CSNK1G2: variants seen among roughly 807,000 people sequenced by gnomAD.
The protein encoded by CSNK1G2 is casein kinase I isoform gamma-2.
A neutral mutation model predicts 48.0 loss-of-function variants in CSNK1G2; 11 were observed. The ratio of observed to expected loss-of-function variants is 0.23; its 90% CI spans 0.14 to 0.38. CSNK1G2 has a LOEUF of 0.38. CSNK1G2 is among the 10% of genes least tolerant of loss of function. CSNK1G2 has a pLI of 1.00. For missense variants in CSNK1G2, 446 were observed against 595.5 expected (o/e 0.75, Z 2.61); for synonymous variants, 337 against 254.1 (o/e 1.33, Z -3.10).
At position 1,979,815 on chromosome 19, in the gene CSNK1G2, C is replaced by G; in HGVS notation, c.1066C>G (p.Gln356Glu). ...CCAGCCTCAGCTCCGGGACAAAACC[C>G]AGCCGCACAGCAAAAACCAGGTGAG... is the stretch of plus-strand genomic sequence containing the variant. ...PSQPQLRDKT[Q>E]PHSKNQALNS... is the part of the protein sequence containing the mutation. The change falls in exon 10 of 12, where the codon CAG (glutamine) becomes GAG (glutamate). Residue 356 changes from glutamine to glutamate, a missense_variant. Around this residue, in one of 2 missense-constraint regions of CSNK1G2, gnomAD observed 188 missense variants for 179.6 expected, o/e 1.05. Coordinates refer to ENST00000255641, the MANE Select transcript of CSNK1G2 (RefSeq NM_001319.7). The G allele has an allele frequency of 1.2e-6, 2 of 1,606,902 alleles. No homozygotes were observed. The highest frequency in any genetic ancestry group is 1.7e-6 in the Non-Finnish European group (2 of 1,177,716).
rs1568208957 is a variant in CSNK1G2, at chr19:1,980,336, GGGCCGCGCCTGGCTCAGGC to G, written c.*138_*156del. On this transcript the variant is annotated 3_prime_UTR_variant, in exon 12 of 12. Coordinates refer to ENST00000255641, the MANE Select transcript of CSNK1G2 (RefSeq NM_001319.7). ...CTGGAAGCCAGAACGCAGACTGCAGGGGCCGCGCCTGGCTCAGGCGGCCCCACCCCCGGGACGTGGGGTC... is the reference window on the plus strand; with the variant it reads ...CTGGAAGCCAGAACGCAGACTGCAGGGGCCCCACCCCCGGGACGTGGGGTC... The G allele has an allele frequency of 8.7e-7, 1 of 1,143,616 alleles. No homozygotes were observed. The highest frequency in any genetic ancestry group is 2.4e-5 in the East Asian group (1 of 41,522). 70.8% of individuals were successfully genotyped at this position (1,143,616 alleles called of 1,614,324 possible).
chr19:1,944,607 G>T (rs1185739944), intron 1 of CSNK1G2, among the ~76,000 whole-genome samples: 2 of 152,170 alleles, frequency 1.3e-5, no homozygotes, highest in Middle Eastern at 3.4e-3. Flanking sequence ...TGCTGGCTCT[G>T]TCCAGAGGGC....
chr19:1,960,943 T>C (rs1486419893), intron 1 of CSNK1G2, among the ~76,000 whole-genome samples: 1 of 152,212 alleles, frequency 6.6e-6, no homozygotes, highest in Non-Finnish European at 1.5e-5. Context: ...CTGTGGATGC[T>C]GAGAGGGTTT....
intron 2 of CSNK1G2, among the ~76,000 whole-genome samples, chr19:1,974,277 CCTT>C (rs757292733): frequency 2.6e-5 from 4 of 152,110 alleles, no homozygotes; most frequent in African/African-American, 4.8e-5. Flanking sequence ...CTGGCAAAGA[CCTT>C]CTTGCCATGT....
At chr19:1,946,779 A>G (rs1418976605) in intron 1 of CSNK1G2, among the ~76,000 whole-genome samples, 2 of 141,856 alleles carry the variant, frequency 1.4e-5, no homozygotes, top group African/African-American at 2.6e-5. Context: ...CGCCTGGCTA[A>G]TTTTTGTATT....
chr19:1,979,473 C>A (rs1243163672), intron 8 of CSNK1G2, 22 bp from the exon 9 acceptor site: 1 of 1,562,996 alleles, frequency 6.4e-7, no homozygotes, highest in Non-Finnish European at 8.6e-7. Context: ...CCGCCGAGGC[C>A]CCGCTGGCGC....
intron 2 of CSNK1G2, among the ~76,000 whole-genome samples, chr19:1,971,185 C>G (rs141061574): frequency 1.3e-5 from 2 of 152,230 alleles, no homozygotes; most frequent in African/African-American, 2.4e-5. Context: ...AGCAGCTTCT[C>G]CCAGGCGAGG....
Position 1,979,931 on chromosome 19 carries a change from G to A in CSNK1G2, c.1107G>A (p.Gly369=). 6.2e-7 allele frequency: 1 copy of A among 1,605,674 alleles called. No homozygotes were observed. Among genetic ancestry groups the A allele is most frequent in the South Asian group, 1.1e-5 (1 of 90,368 alleles). The part of the protein sequence containing the change: ...SKNQALNSTN[G]ELNADDPTAG... ...ACCAGGCGTTGAACTCCACCAACGGGGAGCTGAATGCGGACGACCCCACGG... is the reference window on the plus strand; with the variant it reads ...ACCAGGCGTTGAACTCCACCAACGGAGAGCTGAATGCGGACGACCCCACGG... The change falls in exon 11 of 12, where the codon GGG becomes GGA. Residue 369 remains glycine, a synonymous_variant. Coordinates refer to ENST00000255641, the MANE Select transcript of CSNK1G2 (RefSeq NM_001319.7).
At chr19:1,972,477 C>T (rs760963294) in intron 2 of CSNK1G2, among the ~76,000 whole-genome samples, 2 of 152,168 alleles carry the variant, frequency 1.3e-5, no homozygotes, top group Non-Finnish European at 2.9e-5. Flanking sequence ...TGACTATGCT[C>T]TCCTTAGATG....
chr19:1,973,762 A>G (rs1457638266), intron 2 of CSNK1G2, among the ~76,000 whole-genome samples: 1 of 152,102 alleles, frequency 6.6e-6, no homozygotes, highest in Non-Finnish European at 1.5e-5. Context: ...CTCAGCTGAG[A>G]TTTCCCATGT....
chr19:1,961,065 G>A (rs1193556156), intron 1 of CSNK1G2, among the ~76,000 whole-genome samples: 3 of 152,242 alleles, frequency 2.0e-5, no homozygotes, highest in Admixed American at 2.0e-4. Flanking sequence ...TCCTGTGGAT[G>A]CGTCGCCCCC....
chr19:1,951,731 A>T (rs1419939434), intron 1 of CSNK1G2, among the ~76,000 whole-genome samples: 2 of 143,628 alleles, frequency 1.4e-5, no homozygotes, highest in Non-Finnish European at 3.0e-5. Flanking sequence ...CCCAGGCTGG[A>T]GTGCAGTGGT....
At chr19:1,965,244 G>C (rs552810107) in intron 1 of CSNK1G2, among the ~76,000 whole-genome samples, 8 of 150,554 alleles carry the variant, frequency 5.3e-5, no homozygotes, top group African/African-American at 1.9e-4. Context: ...TTAACCGGCC[G>C]TGGTGGCGGG....
rs1482779235 is a variant in CSNK1G2, at chr19:1,972,978, A to G, written c.187+3019A>G. ...AGTCTCGCTCTGTCACCCAGGCTGGAGTGCAGTGGCGTAACCTCAGCTCAC... is the reference window on the plus strand; with the variant it reads ...AGTCTCGCTCTGTCACCCAGGCTGGGGTGCAGTGGCGTAACCTCAGCTCAC... On this transcript the variant is annotated intron_variant, in intron 2 of 11. Coordinates refer to ENST00000255641, the MANE Select transcript of CSNK1G2 (RefSeq NM_001319.7). Among the ~76,000 whole-genome samples the G allele has an allele frequency of 2.3e-4, 33 of 142,238 alleles. No homozygotes were observed. In the East Asian group the frequency reaches 6.3e-3, roughly 27 times the overall value. The allele number at this position is 142,238 out of a possible 152,430, so 93.3% of individuals were successfully genotyped here.
In CSNK1G2 at chr19:1,979,067, T is replaced by G; in HGVS notation, c.656T>G (p.Met219Arg). 1 of 1,597,574 alleles carries G rather than the reference T, an allele frequency of 6.3e-7. No homozygotes were observed. Among genetic ancestry groups the G allele is most frequent in the Non-Finnish European group, 8.5e-7 (1 of 1,178,870 alleles). The change falls in exon 6 of 12, where the codon ATG (methionine) becomes AGG (arginine). Residue 219 changes from methionine to arginine, a missense_variant. Physicochemically the swap from Met to Arg is moderately conservative, Grantham distance 91. Transcript: ENST00000255641. ...AGCCTGACGGGCACGGCGCGCTACA[T>G]GAGCATCAACACGCACCTGGGCAAG... ...HKSLTGTARY[M>R]SINTHLGKEQ...
Position 1,979,758 on chromosome 19 carries a change from C to A in CSNK1G2, c.1009C>A (p.Pro337Thr). The A allele has an allele frequency of 6.2e-7, 1 of 1,605,964 alleles. No homozygotes were observed. Residue 337 changes from proline to threonine, a missense_variant, in exon 10 of 12, where the codon CCC (proline) becomes ACC (threonine). Physicochemically the swap from Pro to Thr is conservative, Grantham distance 38 (BLOSUM62 -1). Around this residue, in one of 2 missense-constraint regions of CSNK1G2, gnomAD observed 188 missense variants for 179.6 expected, o/e 1.05. Coordinates refer to ENST00000255641, the MANE Select transcript of CSNK1G2 (RefSeq NM_001319.7). ...YDWAGKPLPT[P>T]IGTVHTDLPS... is the part of the protein sequence containing the mutation. ...CCTGCTCCCTCACCCACAGCCGACC[C>A]CCATCGGCACCGTCCACACCGACCT... is the stretch of plus-strand genomic sequence containing the variant.
At chr19:1,944,461 G>A (rs1159507471) in intron 1 of CSNK1G2, among the ~76,000 whole-genome samples, 2 of 152,176 alleles carry the variant, frequency 1.3e-5, no homozygotes, top group East Asian at 3.9e-4. Context: ...GGGTAGAGGA[G>A]AAGGTGGTGT....
At chr19:1,962,166 C>T (rs1303432098) in intron 1 of CSNK1G2, among the ~76,000 whole-genome samples, 1 of 152,004 alleles carries the variant, frequency 6.6e-6, no homozygotes, top group African/African-American at 2.4e-5. Context: ...CCCGTGTCTG[C>T]TAAAAATAAC....
In CSNK1G2 at chr19:1,980,246, C is replaced by T. The variant is rs201184910; in HGVS notation, c.*43C>T. 4.3e-6 allele frequency: 7 copies of T among 1,610,200 alleles called. No homozygotes were observed. In the African/African-American group the frequency reaches 5.3e-5, roughly 12 times the overall value. On this transcript the variant is annotated 3_prime_UTR_variant, in exon 12 of 12. Coordinates refer to ENST00000255641, the MANE Select transcript of CSNK1G2 (RefSeq NM_001319.7). ...CCCCTGAATCTTCTCCGTGCAGCCCCTTGGGGCGCGACCTTGTGCGAGGCC... is the reference window on the plus strand; with the variant it reads ...CCCCTGAATCTTCTCCGTGCAGCCCTTTGGGGCGCGACCTTGTGCGAGGCC...
Sources: gnomAD v4.1 joint callset for allele counts (sites outside exome capture counted in the v4.1 genomes callset) on GRCh38, gnomAD v4.1.1 for gene constraint, gnomAD v4.1.1 regional missense constraint, MANE v1.5 for transcripts, NCBI Gene and HGNC (gene_info 2026-07-23, HGNC 2026-07-21) for gene names.